Variants in TDRD12 observed in about 807,000 individuals in gnomAD.
TDRD12 encodes the protein putative ATP-dependent RNA helicase TDRD12.
TDRD12 carries 158 observed loss-of-function variants against 133.5 expected under a neutral mutation model. The observed-to-expected ratio is 1.18, with a 90% CI of 1.04 to 1.35. The LOEUF (loss-of-function observed/expected upper bound fraction) is 1.35, where lower values mean the gene tolerates loss of function less well. Among genes scored for constraint, TDRD12 ranks in the 40% most tolerant of loss-of-function variants. The pLI is 0.00. For missense variants in TDRD12, 1,443 were observed against 1,321.3 expected (o/e 1.09, Z -1.43); for synonymous variants, 460 against 477.9 (o/e 0.96, Z 0.49).
rs745789157 is a variant in TDRD12 at position 32,749,887 on chromosome 19, A to AT, written c.582+23dup. 2.8e-6 allele frequency: 4 copies of AT among 1,453,820 alleles called. No homozygotes were observed. In the South Asian group the frequency reaches 3.9e-5, roughly 14 times the overall value. The allele number at this position is 1,453,820 out of a possible 1,614,324, so 90.1% of individuals were successfully genotyped here. On this transcript the variant is annotated intron_variant, in intron 6 of 27. Transcript: ENST00000444215. ...ATGAAAAAGTAAGTGAAAGAATTGT[A>AT]TTTTTATAATATTTCATCATTTTAA...
chr19:32,735,488 A>G (rs956233559), intron 2 of TDRD12, among the ~76,000 whole-genome samples: 3 of 152,210 alleles, frequency 2.0e-5, no homozygotes, highest in Non-Finnish European at 1.5e-5. Context: ...CATGAGGTTT[A>G]AGAAAAGAGG....
At chr19:32,757,168 T>A (rs1242461188) in intron 8 of TDRD12, 38 bp downstream of exon 8, 2 of 1,459,612 alleles carry the variant, frequency 1.4e-6, no homozygotes, top group Admixed American at 2.1e-5. Flanking sequence ...ATAGGCAGCA[T>A]GAAAAAAATA....
At position 32,738,869 on chromosome 19, in the gene TDRD12, A is replaced by G. The variant is rs763035532; in HGVS notation, c.197A>G (p.Tyr66Cys). 7.5e-5 allele frequency: 117 copies of G among 1,551,100 alleles called. No individual in the cohort carries two copies. Among genetic ancestry groups the G allele is most frequent in the Middle Eastern group, 1.8e-4 (1 of 5,614 alleles). Residue 66 changes from tyrosine (Y) to cysteine (C), a missense_variant, in exon 3 of 28, where the codon TAT (tyrosine) becomes TGT (cysteine). Transcript: ENST00000444215. ...TTTATTTTGCAGGTGTGTGTGGTCT[A>G]TTGTGAGGAGCTAAAGTGCTGGTGC...
chr19:32,812,505 C>T (rs942571764), intron 24 of TDRD12, among the ~76,000 whole-genome samples: 8 of 152,294 alleles, frequency 5.3e-5, no homozygotes, highest in Middle Eastern at 3.4e-3. Flanking sequence ...AGGATAAATA[C>T]ACAACCTTAC....
chr19:32,730,212 C>G (rs1250483506), intron 1 of TDRD12, among the ~76,000 whole-genome samples: 1 of 152,184 alleles, frequency 6.6e-6, no homozygotes, highest in African/African-American at 2.4e-5. Context: ...CTCTGTGGCT[C>G]TCCGTTTAGG....
At chr19:32,766,907 G>T (rs373727427) in intron 8 of TDRD12, among the ~76,000 whole-genome samples, 1 of 151,904 alleles carries the variant, frequency 6.6e-6, no homozygotes, top group African/African-American at 2.4e-5. Flanking sequence ...GAGCCACCAT[G>T]CCTGGTCAGC....
At chr19:32,731,838 G>A (rs1350688691) in exon 2 of TDRD12, 9 of 1,549,820 alleles carry the variant, frequency 5.8e-6, no homozygotes, top group African/African-American at 2.7e-5. Context: ...ACAACAGCAC[G>A]TGTCAAGATA....
At chr19:32,806,447 G>T (rs1340586563) in intron 21 of TDRD12, among the ~76,000 whole-genome samples, 2 of 149,622 alleles carry the variant, frequency 1.3e-5, no homozygotes, top group Non-Finnish European at 3.0e-5. Context: ...TGTTCAAGCA[G>T]TTCTTGTGCC....
At chr19:32,731,734 C>G in exon 2 of TDRD12, 16 of 1,534,322 alleles carry the variant, frequency 1.0e-5, no homozygotes, top group Non-Finnish European at 1.2e-5. Context: ...GATTGAAGAT[C>G]CAGGTTGCTT....
rs1165790985 is a variant in TDRD12 at position 32,798,447 on chromosome 19, T to G, written c.1758+12T>G. 1 of 1,527,984 alleles carries G rather than the reference T, an allele frequency of 6.5e-7. No homozygotes were observed. The highest frequency in any genetic ancestry group is 8.8e-7 in the Non-Finnish European group (1 of 1,140,180). The allele number at this position is 1,527,984 out of a possible 1,614,324, so 94.7% of individuals were successfully genotyped here. ...AAGCCAATGAACAGGTGAGCGTGGC[T>G]TAAGGTCCTCAGCACTCAGAAGAGA... On this transcript the variant is annotated intron_variant, in intron 16 of 27. Coordinates refer to ENST00000444215, the Ensembl canonical transcript of TDRD12.
At chr19:32,804,300 C>T (rs1971480596) in intron 21 of TDRD12, among the ~76,000 whole-genome samples, 1 of 151,300 alleles carries the variant, frequency 6.6e-6, no homozygotes, top group Non-Finnish European at 1.5e-5. Flanking sequence ...TTTTGATCTC[C>T]TGACCTCGTG....
chr19:32,791,062 G>A, exon 13 of TDRD12: 2 of 1,534,516 alleles, frequency 1.3e-6, no homozygotes, highest in Non-Finnish European at 1.7e-6. Flanking sequence ...CAGCAGACCT[G>A]AAGAAGGTAA....
chr19:32,756,204 A>G, intron 7 of TDRD12, 23 bp downstream of exon 7: 1 of 1,393,634 alleles, frequency 7.2e-7, no homozygotes, highest in South Asian at 1.8e-5. Context: ...TCATCATATC[A>G]ATTTCCCTTA....
chr19:32,815,568 T>G, exon 26 of TDRD12: 1 of 1,536,174 alleles, frequency 6.5e-7, no homozygotes, highest in South Asian at 1.2e-5. Flanking sequence ...ACTGAAAAAA[T>G]TACGCGAAGA....
chr19:32,732,097 G>A (rs1054954735), intron 2 of TDRD12, among the ~76,000 whole-genome samples: 4 of 152,066 alleles, frequency 2.6e-5, no homozygotes, highest in Non-Finnish European at 4.4e-5. Context: ...TCCGTGTCTC[G>A]GGTTCAAGCA....
At chr19:32,810,172 T>A in exon 23 of TDRD12, 1 of 1,535,840 alleles carries the variant, frequency 6.5e-7, no homozygotes, top group Non-Finnish European at 8.7e-7. Flanking sequence ...TATGCAACTC[T>A]CAATGCTGAA....
chr19:32,752,148 A>G (rs536153248), intron 6 of TDRD12, among the ~76,000 whole-genome samples: 1 of 152,138 alleles, frequency 6.6e-6, no homozygotes, highest in East Asian at 1.9e-4. Context: ...TGCTGGGATT[A>G]CAGGCATTAG....
chr19:32,744,526 A>G (rs1482679042), intron 4 of TDRD12, among the ~76,000 whole-genome samples: 1 of 149,156 alleles, frequency 6.7e-6, no homozygotes, highest in Non-Finnish European at 1.5e-5. Flanking sequence ...AAAAAAAAAC[A>G]AAAGAATATA....
At chr19:32,755,205 A>G (rs570774876) in intron 6 of TDRD12, among the ~76,000 whole-genome samples, 2 of 152,380 alleles carry the variant, frequency 1.3e-5, no homozygotes, top group Middle Eastern at 3.4e-3. Context: ...GGCCCCTTAC[A>G]GATATTTATG....
Sources: allele counts gnomAD v4.1 joint callset (sites outside exome capture counted in the v4.1 genomes callset), GRCh38; gene constraint gnomAD v4.1.1; transcripts MANE v1.5; gene names NCBI Gene and HGNC (gene_info 2026-07-23, HGNC 2026-07-21).